ZNF85: variants seen among roughly 807,000 people sequenced by gnomAD.
ZNF85 encodes zinc finger protein 85.
In ZNF85, 50 loss-of-function variants were observed where a neutral mutation model predicts 53.9. The ratio of observed to expected loss-of-function variants is 0.93; its 90% CI spans 0.74 to 1.17. The LOEUF is 1.17. Among genes scored for constraint, ZNF85 ranks in the 50% most tolerant of loss-of-function variants. ZNF85 has a pLI of 0.00. For missense variants in ZNF85, 747 were observed against 688.5 expected, an observed-to-expected ratio of 1.08 and a Z score of -0.95; for synonymous variants, 225 against 226.1, an observed-to-expected ratio of 1.00 and a Z score of 0.04.
At chr19:20,941,381 G>T (rs1007003989) in intron 3 of ZNF85, among the ~76,000 whole-genome samples, 2 of 152,118 alleles carry the variant, frequency 1.3e-5, no homozygotes, top group African/African-American at 4.8e-5. Flanking sequence ...ATTCTCCTCA[G>T]CCTCCTGAGT....
chr19:20,939,461 G>A (rs1422438099), intron 3 of ZNF85, among the ~76,000 whole-genome samples: 1 of 152,016 alleles, frequency 6.6e-6, no homozygotes, highest in Non-Finnish European at 1.5e-5. Flanking sequence ...CACCATATTG[G>A]CCAGGCTGGT....
At chr19:20,945,144 A>C (rs1973389788) in intron 3 of ZNF85, among the ~76,000 whole-genome samples, 1 of 152,196 alleles carries the variant, frequency 6.6e-6, no homozygotes, top group Non-Finnish European at 1.5e-5. Context: ...TTTACTTATC[A>C]AAAACATAAA....
At position 20,923,269 on chromosome 19, in the gene ZNF85, A is replaced by C; in HGVS notation, c.-132A>C. 7.0e-7 allele frequency: 1 copy of C among 1,435,232 alleles called. No individual in the cohort carries two copies. The highest frequency in any genetic ancestry group is 1.4e-5 in the African/African-American group (1 of 71,058). 88.9% of individuals were successfully genotyped at this position (1,435,232 alleles called of 1,614,324 possible). ...TGGCGGGGCCTTTGTCTCTCGCTGCAGCCTGAGCTCTAGGTCTTGTTTTCC... is the reference window on the plus strand; with the variant it reads ...TGGCGGGGCCTTTGTCTCTCGCTGCCGCCTGAGCTCTAGGTCTTGTTTTCC... On this transcript the variant is annotated 5_prime_UTR_variant, in exon 1 of 4. Transcript: ENST00000328178.
At chr19:20,933,671 C>T (rs1973080859) in intron 1 of ZNF85, among the ~76,000 whole-genome samples, 2 of 152,112 alleles carry the variant, frequency 1.3e-5, no homozygotes, top group South Asian at 4.1e-4. Context: ...AAAATATACA[C>T]AACTCATTCT....
chr19:20,924,431 C>A (rs1235887199), intron 1 of ZNF85, among the ~76,000 whole-genome samples: 1 of 152,056 alleles, frequency 6.6e-6, no homozygotes, highest in Non-Finnish European at 1.5e-5. Flanking sequence ...AAAAGGAGGA[C>A]CCCAGGGACT....
At chr19:20,946,268 A>C (rs1442231537) in intron 3 of ZNF85, 1 of 382,422 alleles carries the variant, frequency 2.6e-6, no homozygotes, top group Non-Finnish European at 5.0e-6. Flanking sequence ...GTTCTAAAAA[A>C]TTTGTTAAGA....
intron 1 of ZNF85, among the ~76,000 whole-genome samples, chr19:20,924,880 G>C (rs1972843730): frequency 6.6e-6 from 1 of 152,186 alleles, no homozygotes; most frequent in Non-Finnish European, 1.5e-5. Context: ...GGTGGGTCAA[G>C]GTTTCCGTTT....
chr19:20,929,104 T>G (rs1043620790), intron 1 of ZNF85, among the ~76,000 whole-genome samples: 8 of 147,920 alleles, frequency 5.4e-5, no homozygotes, highest in Non-Finnish European at 1.1e-4. Context: ...AGCTCTTACT[T>G]TTTTTTTTTT....
Position 20,934,972 on chromosome 19 carries a change from C to A in ZNF85, c.154C>A (p.Leu52Met), listed in dbSNP as rs1199701905. The A allele has an allele frequency of 6.2e-6, 10 of 1,610,122 alleles. No homozygotes were observed. The highest frequency in any genetic ancestry group is 1.7e-4 in the Middle Eastern group (1 of 6,044). Residue 52 changes from leucine (L) to methionine (M), a missense_variant, in exon 3 of 4, where the codon CTG (leucine) becomes ATG (methionine). Coordinates refer to ENST00000328178, the MANE Select transcript of ZNF85 (RefSeq NM_003429.5). ...AGGTATTACTGTTTCTAAGCCAGAC[C>A]TGATCACTTGTCTGGAGCAAGGGAA... ...FLGITVSKPD[L>M]ITCLEQGKEA...
chr19:20,935,180 C>A, intron 3 of ZNF85, 133 bp downstream of exon 3: 1 of 558,674 alleles, frequency 1.8e-6, no homozygotes. Flanking sequence ...CCTGAGGTTT[C>A]TTTCTTTCTT....
chr19:20,932,060 C>G (rs974417835), intron 1 of ZNF85, among the ~76,000 whole-genome samples: 1 of 152,064 alleles, frequency 6.6e-6, no homozygotes, highest in African/African-American at 2.4e-5. Flanking sequence ...AATGAGTGAG[C>G]TTTTTCTGCA....
In ZNF85 at chr19:20,923,290, T is replaced by C; in HGVS notation, c.-111T>C. The C allele has an allele frequency of 6.4e-7, 1 of 1,560,744 alleles. No individual in the cohort carries two copies. The highest frequency in any genetic ancestry group is 1.1e-5 in the South Asian group (1 of 89,228). On this transcript the variant is annotated 5_prime_UTR_variant, in exon 1 of 4. Transcript: ENST00000328178. ...CTGCAGCCTGAGCTCTAGGTCTTGT[T>C]TTCCCTGCTTTGTGTTTTCTGCTCG...
At chr19:20,931,609 T>C (rs1376594877) in intron 1 of ZNF85, among the ~76,000 whole-genome samples, 1 of 138,344 alleles carries the variant, frequency 7.2e-6, no homozygotes, top group Non-Finnish European at 1.5e-5. Flanking sequence ...TTTCTTTTTC[T>C]TTTTCTTTTT....
intron 3 of ZNF85, among the ~76,000 whole-genome samples, chr19:20,940,103 G>GA (rs143322119): frequency 0.081 from 11,067 of 136,972 alleles, 420 homozygotes; most frequent in African/African-American, 0.1. Context: ...TCCTTTATGT[G>GA]AAAAAAAAAA....
chr19:20,939,298 C>G (rs1973237067), intron 3 of ZNF85, among the ~76,000 whole-genome samples: 1 of 152,180 alleles, frequency 6.6e-6, no homozygotes, highest in African/African-American at 2.4e-5. Flanking sequence ...CTCTGTCACC[C>G]AGGCTGGAGT....
rs553475211 is a variant in ZNF85, at chr19:20,925,239, G to A, written c.3+1836G>A. ...TTTGTGAGGCCGAGGCGGGCGGATC[G>A]CGAGGTCAGGAATTTGAGACCAGCA... is the stretch of plus-strand genomic sequence containing the variant. On this transcript the variant is annotated intron_variant, in intron 1 of 3. Coordinates refer to ENST00000328178, the MANE Select transcript of ZNF85 (RefSeq NM_003429.5). Among the ~76,000 whole-genome samples the A allele has an allele frequency of 5.3e-5, 8 of 151,998 alleles. No homozygotes were observed. In the East Asian group the frequency reaches 7.8e-4, roughly 15 times the overall value.
chr19:20,946,107 G>C (rs1197870415), intron 3 of ZNF85, among the ~76,000 whole-genome samples: 1 of 151,688 alleles, frequency 6.6e-6, no homozygotes, highest in Non-Finnish European at 1.5e-5. Context: ...TACTTCTGAG[G>C]TTGCTGTTTC....
intron 3 of ZNF85, 119 bp from the exon 4 acceptor site, chr19:20,948,625 T>G (rs1369136005): frequency 2.8e-6 from 2 of 722,458 alleles, no homozygotes; most frequent in Non-Finnish European, 4.5e-6. Context: ...TTAGGGCCTA[T>G]GGTATTTTGC....
intron 1 of ZNF85, 35 bp downstream of exon 1, chr19:20,923,438 AG>A (rs1471733287): frequency 6.2e-7 from 1 of 1,613,768 alleles, no homozygotes. Flanking sequence ...CGAGGGGGAA[AG>A]GGGTTGGTTG....
Sources: allele counts gnomAD v4.1 joint callset (sites outside exome capture counted in the v4.1 genomes callset), GRCh38; gene constraint gnomAD v4.1.1; transcripts MANE v1.5; gene names NCBI Gene and HGNC (gene_info 2026-07-23, HGNC 2026-07-21).